The following PODXL variants were observed in gnomAD, a reference collection of about 807,000 sequenced individuals.
PODXL encodes the protein podocalyxin.
In PODXL, 20 loss-of-function variants were observed where a neutral mutation model predicts 48.9. The ratio of observed to expected loss-of-function variants is 0.41; its 90% CI spans 0.29 to 0.59. The LOEUF (loss-of-function observed/expected upper bound fraction) is 0.59. Ranked by LOEUF, PODXL falls within the 20% of genes least tolerant of loss-of-function variation. The pLI is 0.31. For synonymous variants in PODXL, 295 were observed against 287.4 expected (o/e 1.03, Z -0.27); for missense variants, 606 against 675.1 (o/e 0.90, Z 1.13).
chr7:131,533,992 C>T (rs553820767), intron 1 of PODXL, among the ~76,000 whole-genome samples: 10 of 152,158 alleles, frequency 6.6e-5, no homozygotes, highest in African/African-American at 2.2e-4. Context: ...AGAAAGTGCC[C>T]GATCTATGGC....
At chr7:131,548,177 T>C in intron 1 of PODXL, among the ~76,000 whole-genome samples, 1 of 152,226 alleles carries the variant, frequency 6.6e-6, no homozygotes, top group East Asian at 1.9e-4. Flanking sequence ...TCCTGAGAGC[T>C]GTGTTTCCTG....
chr7:131,517,131 T>C (rs1268772995), intron 1 of PODXL, among the ~76,000 whole-genome samples: 1 of 152,188 alleles, frequency 6.6e-6, no homozygotes, highest in African/African-American at 2.4e-5. Context: ...CTGAGAACTC[T>C]TGTGGCTGAC....
Position 131,508,943 on chromosome 7 carries a change from C to G in PODXL, c.1101+8G>C, listed in dbSNP as rs377608268. 220 of 1,605,886 alleles carry G rather than the reference C, an allele frequency of 1.4e-4. 2 individuals are homozygous for G. In the South Asian group the frequency reaches 2.2e-3, roughly 16 times the overall value. On this transcript the variant is annotated splice_region_variant and intron_variant, in intron 5 of 8. Transcript: ENST00000378555. ...GCACCTGGCGGCTCAGATCAGCAAG[C>G]TACTCACACAGAGGGTGTTTCCTGT...
At chr7:131,547,806 G>A (rs756412381) in intron 1 of PODXL, among the ~76,000 whole-genome samples, 2 of 152,160 alleles carry the variant, frequency 1.3e-5, no homozygotes, top group African/African-American at 4.8e-5. Flanking sequence ...GCAGCTCCAC[G>A]GAATACCACC....
intron 1 of PODXL, among the ~76,000 whole-genome samples, chr7:131,537,781 T>G (rs1798402433): frequency 6.6e-6 from 1 of 152,186 alleles, no homozygotes; most frequent in Non-Finnish European, 1.5e-5. Flanking sequence ...GATTCGGGGT[T>G]GTGTCTGTTG....
At chr7:131,536,357 G>T (rs186684796) in intron 1 of PODXL, among the ~76,000 whole-genome samples, 22 of 152,284 alleles carry the variant, frequency 1.4e-4, no homozygotes, top group African/African-American at 5.1e-4. Context: ...TGGATGGCTG[G>T]TGCTGTCTAC....
At chr7:131,530,422 G>A (rs1015403076) in intron 1 of PODXL, among the ~76,000 whole-genome samples, 5 of 152,152 alleles carry the variant, frequency 3.3e-5, no homozygotes, top group African/African-American at 9.6e-5. Context: ...CCATGTTACG[G>A]TCCCACCTCT....
intron 5 of PODXL, among the ~76,000 whole-genome samples, chr7:131,508,012 G>A (rs942034236): frequency 2.6e-5 from 4 of 152,128 alleles, no homozygotes; most frequent in African/African-American, 9.7e-5. Context: ...TAGTTCCTAG[G>A]GGGTGGCTGC....
At chr7:131,519,088 C>T (rs780966389) in intron 1 of PODXL, among the ~76,000 whole-genome samples, 1 of 152,094 alleles carries the variant, frequency 6.6e-6, no homozygotes, top group African/African-American at 2.4e-5. Flanking sequence ...TTCAGAGCCT[C>T]GCCTCAGTGG....
In PODXL at chr7:131,503,720, AGGGTGGG is replaced by A; in HGVS notation, c.*584_*590del. 2.6e-5 allele frequency: 4 copies of A among 156,442 alleles called. No individual in the cohort carries two copies. The highest frequency in any genetic ancestry group is 2.0e-4 in the South Asian group (1 of 5,110). 9.7% of individuals were successfully genotyped at this position (156,442 alleles called of 1,614,324 possible). A position where few individuals can be genotyped will look rare whatever the true frequency, so the allele number is the denominator to read the frequency against. On this transcript the variant is annotated 3_prime_UTR_variant, in exon 9 of 9. Coordinates refer to ENST00000378555, the MANE Select transcript of PODXL (RefSeq NM_001018111.3). ...AGTGTAGGGAGGGGTAAGAACATAG[AGGGTGGG>A]AAGATGGGTACACGAGGCTGGGGTA...
chr7:131,519,623 A>G (rs984516093), intron 1 of PODXL, among the ~76,000 whole-genome samples: 2 of 152,200 alleles, frequency 1.3e-5, no homozygotes, highest in African/African-American at 4.8e-5. Flanking sequence ...ATCCAAAGGC[A>G]TAAGTAAACA....
intron 1 of PODXL, among the ~76,000 whole-genome samples, chr7:131,525,482 T>G (rs1364332259): frequency 7.0e-6 from 1 of 142,972 alleles, no homozygotes; most frequent in Non-Finnish European, 1.5e-5. Flanking sequence ...TGGTGGTGCG[T>G]GCCTGTAATC....
intron 1 of PODXL, among the ~76,000 whole-genome samples, chr7:131,541,671 T>TAA (rs1798485241): frequency 8.8e-6 from 1 of 113,380 alleles, no homozygotes; most frequent in South Asian, 2.9e-4. Context: ...AGACTCCGTC[T>TAA]CAAAAAAAAA....
chr7:131,510,158 C>A, intron 3 of PODXL, 78 bp downstream of exon 3: 1 of 426,232 alleles, frequency 2.3e-6, no homozygotes, highest in Non-Finnish European at 4.6e-6. Flanking sequence ...AATTGATTTA[C>A]TAGGTTAAGA....
intron 1 of PODXL, among the ~76,000 whole-genome samples, chr7:131,525,875 G>T (rs537010584): frequency 6.6e-6 from 1 of 152,204 alleles, no homozygotes; most frequent in Non-Finnish European, 1.5e-5. Context: ...AAGTAAACGG[G>T]TGGGGAGGAG....
chr7:131,506,809 G>A (rs1562902506), intron 5 of PODXL, 83 bp from the exon 6 acceptor site: 3 of 1,458,434 alleles, frequency 2.1e-6, no homozygotes, highest in South Asian at 1.2e-5. Context: ...AGCTAAGGTC[G>A]GGACAGTGCT....
intron 1 of PODXL, among the ~76,000 whole-genome samples, chr7:131,548,254 G>A (rs977118311): frequency 4.6e-5 from 7 of 152,232 alleles, no homozygotes; most frequent in Middle Eastern, 3.2e-3. Context: ...CTACAGAGAC[G>A]TCCAAGGTTT....
At chr7:131,540,803 A>G (rs1311927687) in intron 1 of PODXL, among the ~76,000 whole-genome samples, 1 of 152,224 alleles carries the variant, frequency 6.6e-6, no homozygotes, top group Non-Finnish European at 1.5e-5. Flanking sequence ...CTCCTGGCCT[A>G]AAACAAACAA....
At chr7:131,549,675 T>C (rs6467376) in intron 1 of PODXL, among the ~76,000 whole-genome samples, 118,327 of 152,088 alleles carry the variant, frequency 0.78, 46,463 homozygotes, top group African/African-American at 0.83. Context: ...CTCTGGGAGG[T>C]CCCTGCACCC....
Sources: gnomAD v4.1 joint callset for allele counts (sites outside exome capture counted in the v4.1 genomes callset) on GRCh38, gnomAD v4.1.1 for gene constraint, MANE v1.5 for transcripts, NCBI Gene and HGNC (gene_info 2026-07-23, HGNC 2026-07-21) for gene names.